CKB: variants seen among roughly 807,000 people sequenced by gnomAD.
CKB encodes creatine kinase B-type.
A neutral mutation model predicts 36.9 loss-of-function variants in CKB; 15 were observed. The ratio of observed to expected loss-of-function variants is 0.41; its 90% confidence interval spans 0.27 to 0.63. CKB has a LOEUF of 0.63. CKB is among the 20% of genes least tolerant of loss of function. The pLI is 0.34. For missense variants in CKB, 413 were observed against 534.9 expected, an observed-to-expected ratio of 0.77 and a Z score of 2.25; for synonymous variants, 250 against 228.2, an observed-to-expected ratio of 1.10 and a Z score of -0.86.
chr14:103,522,201 G>A lies in CKB; in HGVS notation c.194-24C>T. On this transcript the variant is annotated intron_variant, in intron 2 of 7. Transcript: ENST00000348956. The surrounding 1 kb of genome is among the most constrained non-coding windows in gnomAD (Gnocchi z 6.7). The stretch of plus-strand genomic sequence containing the variant: ...GCCTGGGGGAGGGGGCGCGGGACGG[G>A]GACAGTGACGTCACTGCCGGGCCCG... The A allele has an allele frequency of 6.3e-7, 1 of 1,594,892 alleles. No individual in the cohort carries two copies.
In CKB at chr14:103,521,829, A is replaced by C; in HGVS notation, c.470T>G (p.Leu157Arg). Residue 157 changes from leucine (L) to arginine (R), a missense_variant, in exon 4 of 8, where the codon CTC (leucine) becomes CGC (arginine). By Grantham distance (102) the Leu-to-Arg change is moderately radical. Around this residue, in one of 3 missense-constraint regions of CKB, gnomAD observed 314 missense variants for 409.4 expected, o/e 0.77. Transcript: ENST00000348956. ...CGCCCGGCCCCTACCTTCCACCGCG[A>C]GCTTCTCGATGGCGCGGCGCTCCCC... ...SRGERRAIEKLAVEALSSLDG... is the reference protein window; with the variant it reads ...SRGERRAIEKRAVEALSSLDG... The C allele has an allele frequency of 6.7e-7, 1 of 1,495,708 alleles. No homozygotes were observed. The highest frequency in any genetic ancestry group is 2.7e-5 in the East Asian group (1 of 36,880). 92.7% of individuals were successfully genotyped at this position (1,495,708 alleles called of 1,614,324 possible).
chr14:103,520,643 C>T, intron 5 of CKB, 51 bp from the exon 6 acceptor site: 2 of 1,564,996 alleles, frequency 1.3e-6, no homozygotes. Context: ...CCCAGGCCGC[C>T]CCCAGACCAA....
rs758979411 is a variant in CKB at position 103,522,219 on chromosome 14, C to T, written c.194-42G>A. 2 of 1,550,936 alleles carry T rather than the reference C, an allele frequency of 1.3e-6. No homozygotes were observed. The highest frequency in any genetic ancestry group is 1.8e-5 in the Admixed American group (1 of 55,390). ...GGGACGGGGACAGTGACGTCACTGC[C>T]GGGCCCGAGCGCGCTGCTGAGGACC... On this transcript the variant is annotated intron_variant, in intron 2 of 7. Transcript: ENST00000348956. The surrounding 1 kb of genome is among the most constrained non-coding windows in gnomAD (Gnocchi z 6.7).
Position 103,521,441 on chromosome 14 carries a change from G to A in CKB, c.482-7C>T, listed in dbSNP as rs770978803. ...CCGTCCAGGCTGGACAGGGCTGCGA[G>A]GGGTGCGCTCAGGACGCTCGGCTCC... On this transcript the variant is annotated splice_region_variant and splice_polypyrimidine_tract_variant and intron_variant, in intron 4 of 7. Coordinates refer to ENST00000348956, the MANE Select transcript of CKB (RefSeq NM_001823.5). The A allele has an allele frequency of 6.3e-7, 1 of 1,583,452 alleles. No individual in the cohort carries two copies.
intron 6 of CKB, 78 bp from the exon 7 acceptor site, chr14:103,520,389 A>G: frequency 6.3e-7 from 1 of 1,585,642 alleles, no homozygotes; most frequent in Non-Finnish European, 8.6e-7. Context: ...CAGTGCCGGA[A>G]ATCCCCCGGG....
At chr14:103,521,794 C>G in intron 4 of CKB, 24 bp downstream of exon 4, 1 of 1,376,964 alleles carries the variant, frequency 7.3e-7, no homozygotes, top group Non-Finnish European at 9.3e-7. Flanking sequence ...GCCGCCGCCG[C>G]CCCTCGGCCC....
intron 5 of CKB, 93 bp from the exon 6 acceptor site, chr14:103,520,685 C>T: frequency 6.8e-7 from 1 of 1,462,954 alleles, no homozygotes; most frequent in Non-Finnish European, 9.1e-7. Context: ...GGTGCTGCTC[C>T]CTGCCATGCC....
chr14:103,522,592 C>G lies in CKB; in HGVS notation c.-12-87G>C. ...CACTCAGGCCCCCGCCGCCGGGCCC[C>G]CCGGCGCCCCCCGGGACGCGGCCAA... On this transcript the variant is annotated intron_variant, in intron 1 of 7. Transcript: ENST00000348956. This position sits in a 1 kb window ranked among gnomAD's most constrained non-coding sequence, Gnocchi z 6.7. The G allele has an allele frequency of 1.1e-6, 1 of 904,128 alleles. No individual in the cohort carries two copies. Among genetic ancestry groups the G allele is most frequent in the Non-Finnish European group, 1.5e-6 (1 of 671,814 alleles). 56.0% of individuals were successfully genotyped at this position (904,128 alleles called of 1,614,324 possible). A position where few individuals can be genotyped will look rare whatever the true frequency, so the allele number is the denominator to read the frequency against.
intron 4 of CKB, 112 bp from the exon 5 acceptor site, chr14:103,521,546 G>T: frequency 9.0e-7 from 1 of 1,107,318 alleles, no homozygotes; most frequent in Non-Finnish European, 1.2e-6. Flanking sequence ...GGCCCCACCC[G>T]CCCGGATCTG....
intron 5 of CKB, chr14:103,520,863 A>G (rs2075895168): frequency 4.0e-6 from 2 of 502,528 alleles, no homozygotes; most frequent in Non-Finnish European, 7.2e-6. Context: ...CAGTGGGGGT[A>G]GGAGCCCTGC....
Position 103,522,558 on chromosome 14 carries a change from C to T in CKB, c.-12-53G>A. Reference sequence around the variant, plus strand: ...ACCGGCACGCCGGGGTTCCCGGGCTCCCGCGTACCACTCAGGCCCCCGCCG... The same window carrying T: ...ACCGGCACGCCGGGGTTCCCGGGCTTCCGCGTACCACTCAGGCCCCCGCCG... On this transcript the variant is annotated intron_variant, in intron 1 of 7. Coordinates refer to ENST00000348956, the MANE Select transcript of CKB (RefSeq NM_001823.5). The surrounding 1 kb of genome is among the most constrained non-coding windows in gnomAD (Gnocchi z 6.7). The T allele has an allele frequency of 7.4e-7, 1 of 1,350,778 alleles. No individual in the cohort carries two copies. Among genetic ancestry groups the T allele is most frequent in the Non-Finnish European group, 9.8e-7 (1 of 1,024,514 alleles). 83.7% of individuals were successfully genotyped at this position (1,350,778 alleles called of 1,614,324 possible).
chr14:103,521,742 G>C, intron 4 of CKB, 76 bp downstream of exon 4: 3 of 1,306,140 alleles, frequency 2.3e-6, no homozygotes, highest in Non-Finnish European at 2.9e-6. Context: ...CCCGGGCGAC[G>C]TAAACAAAAG....
intron 4 of CKB, 90 bp from the exon 5 acceptor site, chr14:103,521,524 G>A: frequency 1.6e-6 from 2 of 1,273,740 alleles, no homozygotes; most frequent in Non-Finnish European, 1.0e-6. Context: ...CCCACCTCGG[G>A]GGACGTCAGA....
Position 103,520,614 on chromosome 14 carries a change from G to A in CKB, c.654-22C>T, listed in dbSNP as rs772882430. ...GTGCCTGCGGGAGGGCTGGTCTCAGGGCATACCCAGAAAAAAGCCCCAGGC... is the reference window on the plus strand; with the variant it reads ...GTGCCTGCGGGAGGGCTGGTCTCAGAGCATACCCAGAAAAAAGCCCCAGGC... On this transcript the variant is annotated intron_variant, in intron 5 of 7. Transcript: ENST00000348956. 8.1e-6 allele frequency: 13 copies of A among 1,604,374 alleles called. No homozygotes were observed. The Middle Eastern group carries it at 5.0e-4, about 61-fold the overall frequency.
rs749956635 is a variant in CKB at position 103,521,938 on chromosome 14, G to A, written c.361C>T (p.Leu121=). 13 of 1,578,100 alleles carry A rather than the reference G, an allele frequency of 8.2e-6. No individual in the cohort carries two copies. Among genetic ancestry groups the A allele is most frequent in the Non-Finnish European group, 1.1e-5 (13 of 1,168,988 alleles). ...GAGCTCAGCACGTAGTTGGGGTCCA[G>A]GTCGTCGCCGCCCTGGGAGGCGAGA... ...NPDNLQGGDD[L]DPNYVLSSRV... Residue 121 remains leucine, a synonymous_variant, in exon 4 of 8, where the codon CTG becomes TTG. Transcript: ENST00000348956.
At position 103,519,792 on chromosome 14, in the gene CKB, G is replaced by T; in HGVS notation, c.*72C>A. On this transcript the variant is annotated 3_prime_UTR_variant, in exon 8 of 8. Coordinates refer to ENST00000348956, the MANE Select transcript of CKB (RefSeq NM_001823.5). ...GGGCTCGCCAGACGGCGAACATCAG[G>T]GGTGCATGGTGGGCACTGCCCAGGC... 3.3e-6 allele frequency: 5 copies of T among 1,507,546 alleles called. No individual in the cohort carries two copies. Among genetic ancestry groups the T allele is most frequent in the Non-Finnish European group, 4.4e-6 (5 of 1,123,626 alleles). 93.4% of individuals were successfully genotyped at this position (1,507,546 alleles called of 1,614,324 possible).
chr14:103,522,395 C>A lies in CKB; in HGVS notation c.99G>T (p.Val33=), dbSNP rs774009364. ...GCTCCGCGTACAGCTCGGGGGTCAG[C>A]ACCTTGGCCATGTGGTTGTTGTGGG... ...LSAHNNHMAK[V]LTPELYAELR... The change falls in exon 2 of 8, where the codon GTG becomes GTT. Residue 33 remains valine, a synonymous_variant. Coordinates refer to ENST00000348956, the MANE Select transcript of CKB (RefSeq NM_001823.5). The surrounding 1 kb of genome is among the most constrained non-coding windows in gnomAD (Gnocchi z 6.7). 6.2e-7 allele frequency: 1 copy of A among 1,610,646 alleles called. No homozygotes were observed. Among genetic ancestry groups the A allele is most frequent in the Non-Finnish European group, 8.5e-7 (1 of 1,179,014 alleles).
In CKB at chr14:103,520,319, C is replaced by T. The variant is rs1247133076; in HGVS notation, c.778-8G>A. The T allele has an allele frequency of 5.0e-6, 8 of 1,600,286 alleles. No individual in the cohort carries two copies. The highest frequency in any genetic ancestry group is 4.5e-5 in the East Asian group (2 of 44,648). ...CTTGAAGAGAGTTTCAATCTGCAGA[C>T]GGAGAAGAGGGTATGAGGGAGAAGG... On this transcript the variant is annotated splice_polypyrimidine_tract_variant and splice_region_variant and intron_variant, in intron 6 of 7. Transcript: ENST00000348956.
intron 5 of CKB, chr14:103,521,012 G>T (rs916591683): frequency 1.1e-5 from 7 of 620,512 alleles, no homozygotes; most frequent in Non-Finnish European, 2.0e-5. Flanking sequence ...CACGTCTCGG[G>T]GTGGGGAGGT....
Sources: gnomAD v4.1 joint callset for allele counts on GRCh38, gnomAD v4.1.1 for gene constraint, gnomAD v4.1.1 regional missense constraint, Gnocchi (gnomAD v3.1) non-coding constraint, MANE v1.5 for transcripts, NCBI Gene and HGNC (gene_info 2026-07-23, HGNC 2026-07-21) for gene names.